Variants in GSDMC observed in about 807,000 individuals in gnomAD.
GSDMC encodes the protein gasdermin-C.
In GSDMC, 59 loss-of-function variants were observed where a neutral mutation model predicts 58.0. The ratio of observed to expected loss-of-function variants is 1.02; its 90% CI spans 0.82 to 1.26. The LOEUF is 1.26. Among genes scored for constraint, GSDMC ranks in the 50% most tolerant of loss-of-function variants. The pLI is 0.00. For missense variants in GSDMC, 659 were observed against 598.5 expected, an observed-to-expected ratio of 1.10 and a Z score of -1.06; for synonymous variants, 241 against 220.2, an observed-to-expected ratio of 1.09 and a Z score of -0.83.
the GSDMC span, among the ~76,000 whole-genome samples, chr8:129,722,092 A>T: frequency 1.3e-5 from 2 of 152,228 alleles, no homozygotes; most frequent in Non-Finnish European, 2.9e-5. Flanking sequence ...GTATTTCTTA[A>T]TTCCAATTTC....
intron 3 of GSDMC, among the ~76,000 whole-genome samples, chr8:129,772,074 C>T (rs1045212096): frequency 1.3e-5 from 2 of 152,006 alleles, no homozygotes; most frequent in African/African-American, 4.8e-5. Context: ...ACCATCCTGG[C>T]TAACACGGTG....
At chr8:129,736,441 C>T in the GSDMC span, among the ~76,000 whole-genome samples, 5 of 152,172 alleles carry the variant, frequency 3.3e-5, no homozygotes, top group South Asian at 4.1e-4. Context: ...CTATCCACCA[C>T]GATCAACTCA....
the GSDMC span, among the ~76,000 whole-genome samples, chr8:129,724,386 A>G: frequency 6.6e-6 from 1 of 152,198 alleles, no homozygotes; most frequent in Non-Finnish European, 1.5e-5. Context: ...GTTATGCAAT[A>G]GATAATACAA....
rs755612165 is a variant in GSDMC, at chr8:129,748,590, G to C, written c.1438C>G (p.Pro480Ala). ...ECGLRMELDN[P>A]RSTWDVEAKM... Reference sequence around the variant, plus strand: ...GCTTCTACATCCCAGGTTGACCTGGGGTTATCCAGCTCCATCCTAAGGCCA... The same window carrying C: ...GCTTCTACATCCCAGGTTGACCTGGCGTTATCCAGCTCCATCCTAAGGCCA... The change falls in exon 14 of 14, where the codon CCC becomes GCC. Residue 480 changes from proline (P) to alanine (A), a missense_variant. By Grantham distance (27) the Pro-to-Ala change is conservative (BLOSUM62 -1). Transcript: ENST00000276708. 6.2e-7 allele frequency: 1 copy of C among 1,613,724 alleles called. No individual in the cohort carries two copies.
intron 1 of GSDMC, among the ~76,000 whole-genome samples, chr8:129,777,939 A>C (rs978622270): frequency 6.6e-6 from 1 of 152,152 alleles, no homozygotes; most frequent in African/African-American, 2.4e-5. Context: ...CTGCTGTAAA[A>C]TTCATTGCCC....
the GSDMC span, chr8:129,707,025 C>T: frequency 9.8e-5 from 15 of 152,334 alleles, no homozygotes; most frequent in African/African-American, 3.6e-4. Context: ...TACCCCCATT[C>T]TGTGCTCCCC....
intron 3 of GSDMC, among the ~76,000 whole-genome samples, chr8:129,772,650 A>C (rs891442809): frequency 2.0e-4 from 30 of 152,330 alleles, no homozygotes; most frequent in Admixed American, 1.6e-3. Context: ...CCGAAAAAAC[A>C]TGCCCATGAC....
At chr8:129,779,543 T>C (rs886415806) in intron 1 of GSDMC, among the ~76,000 whole-genome samples, 1 of 151,828 alleles carries the variant, frequency 6.6e-6, no homozygotes, top group African/African-American at 2.4e-5. Flanking sequence ...AAATAATTTA[T>C]GCAACAAACT....
At chr8:129,714,560 T>C in the GSDMC span, among the ~76,000 whole-genome samples, 1 of 152,222 alleles carries the variant, frequency 6.6e-6, no homozygotes, top group African/African-American at 2.4e-5. Context: ...GTGATACTGA[T>C]TTTCCATTTA....
the GSDMC span, chr8:129,728,968 AG>A: frequency 1.5e-6 from 1 of 668,784 alleles, no homozygotes; most frequent in Non-Finnish European, 2.8e-6. Context: ...CTGAACGAGA[AG>A]GAGCAGGAGC....
chr8:129,719,039 G>T, the GSDMC span, among the ~76,000 whole-genome samples: 2 of 152,160 alleles, frequency 1.3e-5, no homozygotes. Flanking sequence ...GTCAGGAGGT[G>T]GGGGGCTAGG....
intron 8 of GSDMC, 102 bp from the exon 9 acceptor site, chr8:129,751,993 G>T: frequency 6.9e-7 from 1 of 1,454,700 alleles, no homozygotes; most frequent in Non-Finnish European, 9.7e-7. Flanking sequence ...ATCTGTTCCT[G>T]CCCTTTTCCC....
the GSDMC span, among the ~76,000 whole-genome samples, chr8:129,715,431 G>GA: frequency 1.7e-4 from 25 of 150,760 alleles, no homozygotes; most frequent in African/African-American, 3.6e-4. Context: ...ATAGGAGACA[G>GA]AAAAAAAAAT....
At chr8:129,724,400 A>G in the GSDMC span, among the ~76,000 whole-genome samples, 1 of 152,196 alleles carries the variant, frequency 6.6e-6, no homozygotes, top group African/African-American at 2.4e-5. Flanking sequence ...AATACAATCT[A>G]TTTGTTTATC....
At chr8:129,778,183 C>T (rs150891332) in intron 1 of GSDMC, among the ~76,000 whole-genome samples, 2,166 of 152,152 alleles carry the variant, frequency 0.014, 60 homozygotes, top group African/African-American at 0.049. Context: ...GGAGGCAGGG[C>T]ATAAACAATG....
Position 129,780,542 on chromosome 8 carries a change from C to CA in GSDMC, c.-4-2952dup, listed in dbSNP as rs527710823. On this transcript the variant is annotated intron_variant, in intron 1 of 13. Transcript: ENST00000276708. Reference sequence around the variant, plus strand: ...TTTTACCCTAGAATAATATATCTGGCAAAAAAAATATGCTTCAAGGATGAA... The same window carrying CA: ...TTTTACCCTAGAATAATATATCTGGCAAAAAAAAATATGCTTCAAGGATGAA... 2.6e-4 allele frequency among the ~76,000 whole-genome samples: 39 copies of CA among 151,530 alleles called. No homozygotes were observed. In the East Asian group the frequency reaches 2.7e-3, roughly 11 times the overall value.
chr8:129,777,814 G>C (rs190310920), intron 1 of GSDMC, among the ~76,000 whole-genome samples: 13 of 152,150 alleles, frequency 8.5e-5, no homozygotes, highest in Admixed American at 7.2e-4. Context: ...TTGAACTCTT[G>C]GGCTCAAGTG....
the GSDMC span, among the ~76,000 whole-genome samples, chr8:129,733,002 G>A: frequency 6.6e-6 from 1 of 152,246 alleles, no homozygotes; most frequent in Non-Finnish European, 1.5e-5. Context: ...CACACCAGGA[G>A]ATTATATCCC....
At chr8:129,713,589 C>T in the GSDMC span, among the ~76,000 whole-genome samples, 1 of 152,210 alleles carries the variant, frequency 6.6e-6, no homozygotes, top group African/African-American at 2.4e-5. Context: ...AATACCCAGA[C>T]AGCTCCGGAC....
Sources: allele counts gnomAD v4.1 joint callset (sites outside exome capture counted in the v4.1 genomes callset), GRCh38; gene constraint gnomAD v4.1.1; transcripts MANE v1.5; gene names NCBI Gene and HGNC (gene_info 2026-07-23, HGNC 2026-07-21).